Variants in TRAF2 observed in about 807,000 individuals in gnomAD.
TRAF2 encodes TNF receptor-associated factor 2.
A neutral mutation model predicts 55.6 loss-of-function variants in TRAF2; 6 were observed. The observed-to-expected ratio is 0.11, with a 90% CI of 0.06 to 0.21. The LOEUF is 0.21. TRAF2 is among the 10% of genes least tolerant of loss of function. The pLI, the probability that TRAF2 is intolerant of heterozygous loss-of-function variation, is 1.00. For synonymous variants in TRAF2, 329 were observed against 276.3 expected (o/e 1.19, Z -1.89); for missense variants, 561 against 684.5 (o/e 0.82, Z 2.01).
At position 136,899,578 on chromosome 9, in the gene TRAF2, CTTT is replaced by C; in HGVS notation, c.189-12_189-10del. On this transcript the variant is annotated splice_polypyrimidine_tract_variant and intron_variant, in intron 2 of 10. Coordinates refer to ENST00000247668, the MANE Select transcript of TRAF2 (RefSeq NM_021138.4). Reference sequence around the variant, plus strand: ...GGTTTCACAGTGGGTTGTTTTTTGCCTTTTTTCCCCACTAGCTCTGGGCCTCAG... The same window carrying C: ...GGTTTCACAGTGGGTTGTTTTTTGCCTTTCCCCACTAGCTCTGGGCCTCAG... The C allele has an allele frequency of 6.3e-7, 1 of 1,593,858 alleles. No individual in the cohort carries two copies. The highest frequency in any genetic ancestry group is 8.6e-7 in the Non-Finnish European group (1 of 1,169,546).
In TRAF2 at chr9:136,909,996, TGA is replaced by T. The variant is rs779544807; in HGVS notation, c.603+4_603+5del. On this transcript the variant is annotated splice_donor_region_variant and intron_variant, in intron 6 of 10. Coordinates refer to ENST00000247668, the MANE Select transcript of TRAF2 (RefSeq NM_021138.4). The stretch of plus-strand genomic sequence containing the variant: ...AAGAAGAAGATCCCCCGGGAGAAGG[TGA>T]GTGTCCTTCACCTCCTTGGAGGACC... 3.1e-6 allele frequency: 5 copies of T among 1,613,112 alleles called. No individual in the cohort carries two copies. The highest frequency in any genetic ancestry group is 1.1e-5 in the South Asian group (1 of 90,942).
At chr9:136,920,876 G>A (rs1022290671) in intron 8 of TRAF2, among the ~76,000 whole-genome samples, 162 bp from the exon 9 acceptor site, 2 of 152,216 alleles carry the variant, frequency 1.3e-5, no homozygotes, top group South Asian at 2.1e-4. Flanking sequence ...ACCTCTTGGC[G>A]AGGGTGGGGT....
At chr9:136,918,258 T>TG (rs1564419531) in intron 7 of TRAF2, among the ~76,000 whole-genome samples, 2 of 18,814 alleles carry the variant, frequency 1.1e-4, no homozygotes, top group African/African-American at 4.2e-4. Flanking sequence ...TATATATATA[T>TG]TTATTTAATT....
At chr9:136,904,731 T>C (rs1356382398) in intron 4 of TRAF2, among the ~76,000 whole-genome samples, 1 of 151,658 alleles carries the variant, frequency 6.6e-6, no homozygotes, top group Non-Finnish European at 1.5e-5. Context: ...TTTAATTAAA[T>C]CTAAGAACAT....
chr9:136,894,746 G>C (rs1227889345), intron 1 of TRAF2, among the ~76,000 whole-genome samples: 1 of 152,180 alleles, frequency 6.6e-6, no homozygotes, highest in Admixed American at 6.5e-5. Flanking sequence ...GGCCAGAGAA[G>C]GGGCTAGTGC....
At chr9:136,918,835 A>G (rs1366459167) in intron 7 of TRAF2, among the ~76,000 whole-genome samples, 1 of 151,826 alleles carries the variant, frequency 6.6e-6, no homozygotes, top group African/African-American at 2.4e-5. Flanking sequence ...TCCTGGGTTC[A>G]AGTACTCTCC....
intron 4 of TRAF2, among the ~76,000 whole-genome samples, chr9:136,906,523 C>T (rs1282684355): frequency 6.6e-6 from 1 of 151,976 alleles, no homozygotes; most frequent in Admixed American, 6.5e-5. Flanking sequence ...CCCCATGATT[C>T]AATGACCTCC....
At chr9:136,887,716 G>C (rs1237139544) in intron 1 of TRAF2, among the ~76,000 whole-genome samples, 1 of 152,144 alleles carries the variant, frequency 6.6e-6, no homozygotes, top group Non-Finnish European at 1.5e-5. Context: ...ATGTATTAAT[G>C]GGTGGACACT....
chr9:136,919,349 A>C (rs1259854668), intron 7 of TRAF2, among the ~76,000 whole-genome samples: 1 of 136,140 alleles, frequency 7.3e-6, no homozygotes, highest in Non-Finnish European at 1.5e-5. Context: ...CCCAGACTAG[A>C]GTACAGTGGC....
chr9:136,886,384 G>A, upstream of TRAF2: 6 of 985,282 alleles, frequency 6.1e-6, no homozygotes, highest in Non-Finnish European at 7.2e-6. Flanking sequence ...GGAGCGGGGC[G>A]TATCTGGCCA....
intron 9 of TRAF2, among the ~76,000 whole-genome samples, chr9:136,921,464 C>T (rs932239112): frequency 2.0e-4 from 30 of 152,118 alleles, no homozygotes; most frequent in African/African-American, 5.8e-4. Context: ...TGCCAGCCCT[C>T]GAGGTGTGCC....
intron 10 of TRAF2, 122 bp downstream of exon 10, chr9:136,924,122 C>T (rs922975236): frequency 2.4e-6 from 3 of 1,230,846 alleles, no homozygotes; most frequent in African/African-American, 1.5e-5. Context: ...CAGGTGTCTG[C>T]AGCAGGCACG....
At chr9:136,892,880 GAATA>G (rs777683128) in intron 1 of TRAF2, among the ~76,000 whole-genome samples, 8 of 152,222 alleles carry the variant, frequency 5.3e-5, no homozygotes, top group South Asian at 2.1e-4. Flanking sequence ...TGTCTCACAT[GAATA>G]AATAAATAAA....
Position 136,899,626 on chromosome 9 carries a change from A to T in TRAF2, c.221A>T (p.His74Leu). 6.2e-7 allele frequency: 1 copy of T among 1,613,502 alleles called. No individual in the cohort carries two copies. The highest frequency in any genetic ancestry group is 1.1e-5 in the South Asian group (1 of 91,072). The part of the protein sequence containing the change: ...SGPQNCAACV[H>L]EGIYEEGISI... ...CCTCAGAACTGTGCTGCCTGTGTTC[A>T]CGAGGGCATATATGAAGAAGGCATT... Residue 74 changes from histidine to leucine, a missense_variant, in exon 3 of 11, where the codon CAC (histidine) becomes CTC (leucine). Transcript: ENST00000247668.
intron 1 of TRAF2, among the ~76,000 whole-genome samples, chr9:136,891,804 C>G (rs1020142645): frequency 6.6e-6 from 1 of 151,866 alleles, no homozygotes; most frequent in African/African-American, 2.4e-5. Flanking sequence ...TCTCTGCAAC[C>G]TCTGCCTCCC....
Position 136,920,364 on chromosome 9 carries a change from A to T in TRAF2, c.809A>T (p.Gln270Leu). Reference protein sequence around the residue: ...DQSHAGSELLQRCESLEKKTA... With the variant: ...DQSHAGSELLLRCESLEKKTA... ...AGCCACGCGGGGTCAGAGCTCCTGCAGAGGTGCGAGAGCCTGGAGAAGAAG... is the reference window on the plus strand; with the variant it reads ...AGCCACGCGGGGTCAGAGCTCCTGCTGAGGTGCGAGAGCCTGGAGAAGAAG... Residue 270 changes from glutamine (Q) to leucine (L), a missense_variant, in exon 8 of 11, where the codon CAG becomes CTG. Gln to Leu is a moderately radical substitution (Grantham distance 113, BLOSUM62 -2). Transcript: ENST00000247668. 1 of 1,614,150 alleles carries T rather than the reference A, an allele frequency of 6.2e-7. No homozygotes were observed. The highest frequency in any genetic ancestry group is 8.5e-7 in the Non-Finnish European group (1 of 1,180,042).
upstream of TRAF2, chr9:136,885,977 G>A (rs1849436523): frequency 6.6e-6 from 1 of 152,236 alleles, no homozygotes; most frequent in Non-Finnish European, 1.5e-5. Flanking sequence ...CCCGGCACCG[G>A]GGGAGGCGGA....
At chr9:136,882,275 A>T (rs1849383846), upstream of TRAF2, among the ~76,000 whole-genome samples, 3 of 152,082 alleles carry the variant, frequency 2.0e-5, no homozygotes, top group African/African-American at 7.2e-5. Context: ...GCTGGATTTC[A>T]GATGCATCCA....
chr9:136,892,873 C>G (rs1849609124), intron 1 of TRAF2, among the ~76,000 whole-genome samples: 2 of 152,182 alleles, frequency 1.3e-5, no homozygotes, highest in Admixed American at 6.5e-5. Flanking sequence ...AAGACTCTGT[C>G]TCACATGAAT....
Sources: gnomAD v4.1 joint callset for allele counts (sites outside exome capture counted in the v4.1 genomes callset) on GRCh38, gnomAD v4.1.1 for gene constraint, MANE v1.5 for transcripts, NCBI Gene and HGNC (gene_info 2026-07-23, HGNC 2026-07-21) for gene names.